Variants in DLGAP1 observed in about 807,000 individuals in gnomAD.
DLGAP1 encodes DLG associated protein 1.
In DLGAP1, 11 loss-of-function variants were observed where a neutral mutation model predicts 90.8. That is an observed-to-expected ratio of 0.12 (90% CI 0.08 to 0.20). The LOEUF is 0.20. DLGAP1 is among the 10% of genes least tolerant of loss of function. The probability of loss-of-function intolerance (pLI) is 1.00; values close to 1 mark genes in which losing one functional copy is unlikely to be tolerated. For missense variants in DLGAP1, 1,050 were observed against 1,333.8 expected (o/e 0.79, Z 3.31); for synonymous variants, 558 against 540.7 (o/e 1.03, Z -0.44).
intron 10 of DLGAP1, among the ~76,000 whole-genome samples, chr18:3,510,049 C>G (rs980577742): frequency 2.6e-5 from 4 of 152,200 alleles, no homozygotes; most frequent in African/African-American, 9.6e-5. Flanking sequence ...AACAATTTTT[C>G]TGCTCTGCTT....
At chr18:4,237,076 G>C (rs1249273640) in intron 1 of DLGAP1, among the ~76,000 whole-genome samples, 1 of 152,184 alleles carries the variant, frequency 6.6e-6, no homozygotes, top group Non-Finnish European at 1.5e-5. Flanking sequence ...TTCACTGTCT[G>C]AAGCTATCGA....
intron 7 of DLGAP1, among the ~76,000 whole-genome samples, chr18:3,661,708 C>T (rs2059690322): frequency 6.6e-6 from 1 of 151,698 alleles, no homozygotes; most frequent in African/African-American, 2.4e-5. Context: ...TCCCACGTAG[C>T]TGGGATTACA....
At chr18:3,844,227 G>T (rs989653207) in intron 4 of DLGAP1, among the ~76,000 whole-genome samples, 1 of 152,178 alleles carries the variant, frequency 6.6e-6, no homozygotes, top group African/African-American at 2.4e-5. Flanking sequence ...AATATCTTTT[G>T]AGGTCACCTA....
chr18:4,429,388 C>G (rs1224681800), intron 1 of DLGAP1, among the ~76,000 whole-genome samples: 1 of 152,088 alleles, frequency 6.6e-6, no homozygotes, highest in South Asian at 2.1e-4. Flanking sequence ...ATGTAAAATG[C>G]ATTATGTTTT....
chr18:4,066,132 CT>C (rs1433618824), intron 2 of DLGAP1, among the ~76,000 whole-genome samples: 2 of 152,126 alleles, frequency 1.3e-5, no homozygotes, highest in Non-Finnish European at 2.9e-5. Context: ...AACTGAACCT[CT>C]TCCTTACACT....
chr18:4,400,593 T>TG (rs2082534471), intron 1 of DLGAP1, among the ~76,000 whole-genome samples: 1 of 152,034 alleles, frequency 6.6e-6, no homozygotes, highest in South Asian at 2.1e-4. Context: ...ATGTTCTTTG[T>TG]GGGGCTCTCG....
chr18:3,862,073 C>T (rs2070101411), intron 4 of DLGAP1, among the ~76,000 whole-genome samples: 1 of 152,234 alleles, frequency 6.6e-6, no homozygotes, highest in Non-Finnish European at 1.5e-5. Flanking sequence ...TCTCAGCAAA[C>T]AGGGTTCAAT....
intron 3 of DLGAP1, among the ~76,000 whole-genome samples, chr18:3,897,836 G>A (rs1049672046): frequency 5.2e-5 from 7 of 134,832 alleles, no homozygotes; most frequent in Non-Finnish European, 9.2e-5. Flanking sequence ...CGCCCAGGCC[G>A]GACTGCGGAC....
intron 7 of DLGAP1, among the ~76,000 whole-genome samples, chr18:3,717,818 A>C (rs1219248699): frequency 1.3e-5 from 2 of 152,186 alleles, no homozygotes. Flanking sequence ...TAATTGCTGA[A>C]CCACTGCAAA....
intron 3 of DLGAP1, among the ~76,000 whole-genome samples, chr18:3,994,403 A>G (rs1483908245): frequency 3.9e-5 from 6 of 151,978 alleles, no homozygotes; most frequent in African/African-American, 1.5e-4. Flanking sequence ...CTCTGGCTGT[A>G]TTTTCTTAAC....
chr18:3,525,853 A>G (rs115047784), intron 10 of DLGAP1, among the ~76,000 whole-genome samples: 4,167 of 152,210 alleles, frequency 0.027, 162 homozygotes, highest in African/African-American at 0.094. Flanking sequence ...TCTGCCCCCA[A>G]TTAACCACAT....
At chr18:4,294,060 T>C (rs1327690114) in intron 1 of DLGAP1, 2 of 152,190 alleles carry the variant, frequency 1.3e-5, no homozygotes, top group African/African-American at 4.8e-5. Context: ...TCCTTTTTTT[T>C]CTTTTGGGAC....
Position 3,942,181 on chromosome 18 carries a change from A to C in DLGAP1, c.-72-62041T>G, listed in dbSNP as rs117976753. 4.4e-3 allele frequency among the ~76,000 whole-genome samples: 676 copies of C among 152,282 alleles called. 2 individuals are homozygous for C. The highest frequency in any genetic ancestry group is 7.6e-3 in the Non-Finnish European group (519 of 68,016). ...CCTCATTTTCTAGAAGTTAGTATTT[A>C]TGAAGAGCCTTCACTATAAGCCAGG... On this transcript the variant is annotated intron_variant, in intron 3 of 12. Transcript: ENST00000315677.
At chr18:4,338,574 A>G (rs2081121721) in intron 1 of DLGAP1, among the ~76,000 whole-genome samples, 1 of 152,218 alleles carries the variant, frequency 6.6e-6, no homozygotes. Context: ...GAGAAAGTAT[A>G]CCAAGATGAA....
At chr18:3,734,339 A>AC (rs2062559067) in intron 6 of DLGAP1, among the ~76,000 whole-genome samples, 1 of 151,830 alleles carries the variant, frequency 6.6e-6, no homozygotes, top group Admixed American at 6.6e-5. Flanking sequence ...TGCAGCCTCA[A>AC]CCTCCTGGGC....
At chr18:4,442,982 T>G in intron 1 of DLGAP1, among the ~76,000 whole-genome samples, 1 of 152,122 alleles carries the variant, frequency 6.6e-6, no homozygotes, top group East Asian at 1.9e-4. Flanking sequence ...GTTGAACAAA[T>G]AAGTGAAGGA....
chr18:3,516,915 T>G (rs1011063977), intron 10 of DLGAP1, among the ~76,000 whole-genome samples: 3 of 152,252 alleles, frequency 2.0e-5, no homozygotes, highest in African/African-American at 7.2e-5. Flanking sequence ...TCAGATGTCA[T>G]GTTTGCAGGC....
intron 2 of DLGAP1, among the ~76,000 whole-genome samples, chr18:4,120,748 G>C (rs8093552): frequency 0.32 from 47,589 of 147,634 alleles, 7,794 homozygotes; most frequent in South Asian, 0.37. Flanking sequence ...CCCTCCCTCC[G>C]TCCTGCCATC....
rs554505130 is a variant in DLGAP1 at position 3,801,843 on chromosome 18, A to G, written c.1172+12216T>C. Reference sequence around the variant, plus strand: ...CGAGAAGAATGACTGCTGAGATGTTAGAAGATATCCTTCCATACATATATA... The same window carrying G: ...CGAGAAGAATGACTGCTGAGATGTTGGAAGATATCCTTCCATACATATATA... On this transcript the variant is annotated intron_variant, in intron 5 of 12. Coordinates refer to ENST00000315677, the MANE Select transcript of DLGAP1 (RefSeq NM_004746.4). 1.2e-4 allele frequency among the ~76,000 whole-genome samples: 19 copies of G among 152,366 alleles called. 1 individual carries two copies. Among genetic ancestry groups the G allele is most frequent in the Middle Eastern group, 3.4e-3 (1 of 294 alleles).
Sources: allele counts gnomAD v4.1 joint callset (sites outside exome capture counted in the v4.1 genomes callset), GRCh38; gene constraint gnomAD v4.1.1; transcripts MANE v1.5; gene names NCBI Gene and HGNC (gene_info 2026-07-23, HGNC 2026-07-21).